DPP10: variants seen among roughly 807,000 people sequenced by gnomAD.
DPP10 encodes dipeptidyl peptidase like 10.
In DPP10, 33 loss-of-function variants were observed where a neutral mutation model predicts 120.9. That is an observed-to-expected ratio of 0.27 (90% CI 0.21 to 0.37). DPP10 has a LOEUF of 0.37. Among genes scored for constraint, DPP10 ranks in the 10% least tolerant of loss-of-function variants. The pLI is 1.00. For synonymous variants in DPP10, 337 were observed against 326.1 expected, an observed-to-expected ratio of 1.03 and a Z score of -0.36; for missense variants, 816 against 942.8, an observed-to-expected ratio of 0.87 and a Z score of 1.76.
chr2:114,720,147 CA>C (rs764846806), intron 1 of DPP10, among the ~76,000 whole-genome samples: 3 of 152,054 alleles, frequency 2.0e-5, no homozygotes, highest in Non-Finnish European at 4.4e-5. Flanking sequence ...TTAGGAGAGA[CA>C]GAGGATTGAG....
At position 115,709,055 on chromosome 2, in the gene DPP10, A is replaced by G. The variant is rs116636567; in HGVS notation, c.577-18761A>G. ...AAAACAAACCAACACATAAAAAGCT[A>G]CCCAAGGACTCAAGCCTGAACAAAA... On this transcript the variant is annotated intron_variant, in intron 7 of 25. Coordinates refer to ENST00000410059, the MANE Select transcript of DPP10 (RefSeq NM_020868.6). Among the ~76,000 whole-genome samples, 425 of 152,204 alleles carry G rather than the reference A, an allele frequency of 2.8e-3. 5 individuals carry two copies. The highest frequency in any genetic ancestry group is 9.6e-3 in the African/African-American group (398 of 41,530).
chr2:115,451,327 C>A (rs1451737847), intron 3 of DPP10, among the ~76,000 whole-genome samples: 1 of 151,816 alleles, frequency 6.6e-6, no homozygotes, highest in Non-Finnish European at 1.5e-5. Flanking sequence ...TAAGAAACTT[C>A]TAATAAAGAA....
At chr2:114,522,719 A>T (rs1228785719) in intron 1 of DPP10, among the ~76,000 whole-genome samples, 1 of 152,170 alleles carries the variant, frequency 6.6e-6, no homozygotes, top group African/African-American at 2.4e-5. Context: ...GGCAATTTAC[A>T]AAATAAAGAG....
intron 1 of DPP10, among the ~76,000 whole-genome samples, chr2:114,510,212 T>C (rs578058274): frequency 6.6e-6 from 1 of 152,298 alleles, no homozygotes; most frequent in South Asian, 2.1e-4. Flanking sequence ...GAATAGAGAC[T>C]TTGCACTATC....
At chr2:115,358,848 A>G (rs984814744) in intron 3 of DPP10, among the ~76,000 whole-genome samples, 1 of 152,138 alleles carries the variant, frequency 6.6e-6, no homozygotes, top group Non-Finnish European at 1.5e-5. Flanking sequence ...GAGAAGTGCT[A>G]AGCAAAAGAA....
intron 5 of DPP10, among the ~76,000 whole-genome samples, chr2:115,665,831 G>A (rs986075080): frequency 6.6e-6 from 1 of 151,452 alleles, no homozygotes; most frequent in Non-Finnish European, 1.5e-5. Context: ...CCAATCAGTG[G>A]CAATTTATAT....
At chr2:114,774,135 G>C (rs1009932189) in intron 1 of DPP10, among the ~76,000 whole-genome samples, 5 of 152,026 alleles carry the variant, frequency 3.3e-5, no homozygotes, top group African/African-American at 1.2e-4. Flanking sequence ...ATGCACTGTG[G>C]GTTGTATTCT....
At chr2:115,680,443 A>C (rs558543061) in intron 5 of DPP10, among the ~76,000 whole-genome samples, 1 of 152,148 alleles carries the variant, frequency 6.6e-6, no homozygotes, top group African/African-American at 2.4e-5. Flanking sequence ...AATTATGTAT[A>C]GAATGTAAGT....
chr2:115,190,282 C>G (rs1051699267), intron 1 of DPP10, among the ~76,000 whole-genome samples: 2 of 152,168 alleles, frequency 1.3e-5, no homozygotes, highest in Non-Finnish European at 2.9e-5. Context: ...CCTCGTGGAA[C>G]TCCAATAGCA....
intron 1 of DPP10, among the ~76,000 whole-genome samples, chr2:115,157,231 GT>G (rs1317386501): frequency 1.6e-5 from 2 of 128,980 alleles, no homozygotes; most frequent in Non-Finnish European, 3.2e-5. Context: ...AAGATGTGAG[GT>G]TTTAAATATA....
intron 1 of DPP10, among the ~76,000 whole-genome samples, chr2:114,894,486 C>T (rs1171527954): frequency 3.9e-5 from 6 of 152,086 alleles, no homozygotes; most frequent in Admixed American, 1.3e-4. Context: ...TTTAAGAATT[C>T]GCTAAACCTC....
At chr2:115,170,238 A>G (rs944870181) in intron 1 of DPP10, among the ~76,000 whole-genome samples, 3 of 152,226 alleles carry the variant, frequency 2.0e-5, no homozygotes, top group East Asian at 1.9e-4. Context: ...AAGTTAATCA[A>G]TGCAAAACAT....
In DPP10 at chr2:115,093,505, TTATC is replaced by T. The variant is rs200583277; in HGVS notation, c.61-215730_61-215727del. On this transcript the variant is annotated intron_variant, in intron 1 of 25. Transcript: ENST00000410059. ...AAAATGAATGATAGTTATGTAAAGTTTATCTATTTTTCTTTGGAAGGAAACCAAA... is the reference window on the plus strand; with the variant it reads ...AAAATGAATGATAGTTATGTAAAGTTTATTTTTCTTTGGAAGGAAACCAAA... Among the ~76,000 whole-genome samples, 246 of 152,222 alleles carry T rather than the reference TTATC, an allele frequency of 1.6e-3. 1 individual carries two copies. The highest frequency in any genetic ancestry group is 5.7e-3 in the African/African-American group (239 of 41,566).
intron 1 of DPP10, among the ~76,000 whole-genome samples, chr2:115,279,649 C>CTTTT (rs2060068274): frequency 2.0e-5 from 1 of 50,030 alleles, no homozygotes; most frequent in African/African-American, 7.2e-5. Flanking sequence ...TTCTTTTTTT[C>CTTTT]TTCTTCTTTT....
At position 114,955,689 on chromosome 2, in the gene DPP10, G is replaced by A. The variant is rs140581579; in HGVS notation, c.61-353550G>A. ...AACCCTGATAAACATAGGTGCAAAC[G>A]TCCTCAGCAAAATATAGCAAACCAA... On this transcript the variant is annotated intron_variant, in intron 1 of 25. Transcript: ENST00000410059. Among the ~76,000 whole-genome samples, 99 of 152,184 alleles carry A rather than the reference G, an allele frequency of 6.5e-4. 1 individual carries two copies. Among genetic ancestry groups the A allele is most frequent in the African/African-American group, 2.3e-3 (94 of 41,536 alleles).
intron 1 of DPP10, among the ~76,000 whole-genome samples, chr2:115,281,966 G>A (rs1157906037): frequency 6.6e-6 from 1 of 151,926 alleles, no homozygotes; most frequent in African/African-American, 2.4e-5. Flanking sequence ...AAAAATTACT[G>A]TTGTTGTTAT....
At chr2:115,561,432 CA>C (rs34726906) in intron 5 of DPP10, among the ~76,000 whole-genome samples, 1 of 149,460 alleles carries the variant, frequency 6.7e-6, no homozygotes, top group African/African-American at 2.5e-5. Context: ...TTATCACGTC[CA>C]AAAAAAGTAG....
At chr2:115,677,440 A>G (rs2090351257) in intron 5 of DPP10, among the ~76,000 whole-genome samples, 1 of 151,858 alleles carries the variant, frequency 6.6e-6, no homozygotes, top group Non-Finnish European at 1.5e-5. Flanking sequence ...ACTGACTAGC[A>G]TGTAAATGAT....
chr2:114,672,613 A>G (rs1049423571), intron 1 of DPP10, among the ~76,000 whole-genome samples: 36 of 152,194 alleles, frequency 2.4e-4, no homozygotes, highest in African/African-American at 7.2e-4. Flanking sequence ...GGAAGACTCA[A>G]TTTGTAAGCT....
Sources: allele counts gnomAD v4.1 joint callset (sites outside exome capture counted in the v4.1 genomes callset), GRCh38; gene constraint gnomAD v4.1.1; transcripts MANE v1.5; gene names NCBI Gene and HGNC (gene_info 2026-07-23, HGNC 2026-07-21).